Variants in P2RY14 observed in about 807,000 individuals in gnomAD.
The protein encoded by P2RY14 is P2Y purinoceptor 14.
A neutral mutation model predicts 0.9 loss-of-function variants in P2RY14; 2 were observed. The ratio of observed to expected loss-of-function variants is 2.16; its 90% CI spans 0.88 to 6.79. The LOEUF (loss-of-function observed/expected upper bound fraction) is 6.79, where lower values mean the gene tolerates loss of function less well. Ranked by LOEUF, P2RY14 falls within the 30% of genes most tolerant of loss-of-function variation. The pLI is 0.05. For synonymous variants in P2RY14, 158 were observed against 147.2 expected (o/e 1.07, Z -0.53); for missense variants, 378 against 400.1 (o/e 0.94, Z 0.47).
intron 2 of P2RY14, among the ~76,000 whole-genome samples, chr3:151,215,241 A>G (rs573023589): frequency 6.6e-6 from 1 of 152,328 alleles, no homozygotes; most frequent in Admixed American, 6.5e-5. Flanking sequence ...CTACATCTGT[A>G]CTATTCAGTA....
At chr3:151,269,032 G>A (rs190815293) in intron 1 of P2RY14, among the ~76,000 whole-genome samples, 10 of 152,282 alleles carry the variant, frequency 6.6e-5, no homozygotes, top group East Asian at 5.8e-4. Flanking sequence ...CTCTGAGACC[G>A]GAGGAGACAT....
intron 1 of P2RY14, among the ~76,000 whole-genome samples, chr3:151,259,570 A>C (rs1477060517): frequency 6.6e-6 from 1 of 152,236 alleles, no homozygotes; most frequent in Non-Finnish European, 1.5e-5. Context: ...TAATCAGAAT[A>C]AACTTTTCAA....
At position 151,213,492 on chromosome 3, in the gene P2RY14, A is replaced by G. The variant is rs773831838; in HGVS notation, c.825T>C (p.Tyr275=). The change falls in exon 3 of 3, where the codon TAT becomes TAC. Residue 275 remains tyrosine (Y), a synonymous_variant. Transcript: ENST00000309170. ...ATAGTAGCAGAGTGAATTCTTTCATATACCGCAAGATTTCTTTTGACTGGC... is the reference window on the plus strand; with the variant it reads ...ATAGTAGCAGAGTGAATTCTTTCATGTACCGCAAGATTTCTTTTGACTGGC... ...YSCQSKEILR[Y]MKEFTLLLSA... 10 of 1,614,032 alleles carry G rather than the reference A, an allele frequency of 6.2e-6. No individual in the cohort carries two copies. The South Asian group carries it at 1.1e-4, about 18-fold the overall frequency.
At chr3:151,235,564 C>A (rs983320866) in intron 1 of P2RY14, among the ~76,000 whole-genome samples, 1 of 151,982 alleles carries the variant, frequency 6.6e-6, no homozygotes, top group Non-Finnish European at 1.5e-5. Context: ...ATTAGCTGGG[C>A]GTGCCTGTAA....
intron 1 of P2RY14, among the ~76,000 whole-genome samples, chr3:151,256,612 A>C (rs1737856693): frequency 7.3e-6 from 1 of 136,596 alleles, no homozygotes. Flanking sequence ...GCCAGAAATC[A>C]CAACAGACTG....
chr3:151,265,601 A>G (rs1739676614), intron 1 of P2RY14, among the ~76,000 whole-genome samples: 2 of 152,210 alleles, frequency 1.3e-5, no homozygotes, highest in Non-Finnish European at 1.5e-5. Flanking sequence ...AATAGGCAGT[A>G]TACAGCAGGC....
intron 1 of P2RY14, among the ~76,000 whole-genome samples, chr3:151,225,202 AC>A (rs1236902769): frequency 2.6e-5 from 4 of 152,108 alleles, no homozygotes; most frequent in African/African-American, 7.2e-5. Context: ...CCTCGACTTC[AC>A]AGAAGTTGCT....
chr3:151,267,948 A>G (rs561682488), intron 1 of P2RY14, among the ~76,000 whole-genome samples: 2 of 152,300 alleles, frequency 1.3e-5, no homozygotes, highest in Non-Finnish European at 2.9e-5. Context: ...GAAATGCGCT[A>G]TTATCCTAAT....
chr3:151,221,726 C>T (rs956975896), intron 1 of P2RY14, among the ~76,000 whole-genome samples: 1 of 152,204 alleles, frequency 6.6e-6, no homozygotes, highest in Admixed American at 6.5e-5. Context: ...CCTGGATGTC[C>T]AGGCAGAAGT....
chr3:151,249,133 T>G (rs1192926139), intron 1 of P2RY14: 1 of 152,106 alleles, frequency 6.6e-6, no homozygotes, highest in East Asian at 1.9e-4. Flanking sequence ...TGGACCTGAT[T>G]TGGATTTGCT....
rs1727595650 is a variant in P2RY14, at chr3:151,213,684, C to G, written c.633G>C (p.Lys211Asn). 1.2e-6 allele frequency: 2 copies of G among 1,614,044 alleles called. No individual in the cohort carries two copies. The highest frequency in any genetic ancestry group is 1.3e-5 in the African/African-American group (1 of 74,902). ...ACTTAAGGTGGGACTTAAAGATTTTCTTTGTGATAGCAGTATAGAAAACGA... is the reference window on the plus strand; with the variant it reads ...ACTTAAGGTGGGACTTAAAGATTTTGTTTGTGATAGCAGTATAGAAAACGA... ...LLIVFYTAIT[K>N]KIFKSHLKSS... Residue 211 changes from lysine (K) to asparagine (N), a missense_variant, in exon 3 of 3, where the codon AAG (lysine) becomes AAC (asparagine). Lys to Asn is a moderately conservative substitution (Grantham distance 94). Transcript: ENST00000309170.
intron 1 of P2RY14, among the ~76,000 whole-genome samples, chr3:151,238,771 CTTT>C (rs1416713211): frequency 6.6e-6 from 1 of 152,106 alleles, no homozygotes; most frequent in Non-Finnish European, 1.5e-5. Flanking sequence ...ATAAAAATAT[CTTT>C]TTAATATTTT....
intron 2 of P2RY14, among the ~76,000 whole-genome samples, chr3:151,215,804 C>T (rs1406799875): frequency 6.6e-6 from 1 of 152,174 alleles, no homozygotes; most frequent in Non-Finnish European, 1.5e-5. Flanking sequence ...CTTGTTCTGC[C>T]TCCTGCTTCC....
chr3:151,275,591 T>C (rs954454145), intron 1 of P2RY14, among the ~76,000 whole-genome samples: 1 of 152,182 alleles, frequency 6.6e-6, no homozygotes, highest in Non-Finnish European at 1.5e-5. Context: ...TGTGGTAAAC[T>C]TGGTGTTTCG....
intron 1 of P2RY14, among the ~76,000 whole-genome samples, chr3:151,227,683 G>A (rs948270463): frequency 6.6e-6 from 1 of 152,196 alleles, no homozygotes; most frequent in African/African-American, 2.4e-5. Flanking sequence ...TTCCCGAATG[G>A]CAAACTGGGG....
At chr3:151,234,964 A>G (rs193106317) in intron 1 of P2RY14, among the ~76,000 whole-genome samples, 92 of 152,282 alleles carry the variant, frequency 6.0e-4, no homozygotes, top group African/African-American at 2.2e-3. Flanking sequence ...TATCTCTTCT[A>G]TTTCTAACCA....
At chr3:151,249,388 T>C (rs1223445177) in intron 1 of P2RY14, among the ~76,000 whole-genome samples, 10 of 152,004 alleles carry the variant, frequency 6.6e-5, no homozygotes, top group African/African-American at 2.4e-4. Flanking sequence ...CCAAAAAATA[T>C]TTGAGAGTAA....
At chr3:151,242,413 G>C (rs1421633222) in intron 1 of P2RY14, among the ~76,000 whole-genome samples, 1 of 152,188 alleles carries the variant, frequency 6.6e-6, no homozygotes. Context: ...CTCCCAGCAC[G>C]CAGCTGGAGA....
chr3:151,266,198 C>T (rs1004189372), intron 1 of P2RY14, among the ~76,000 whole-genome samples: 6 of 152,164 alleles, frequency 3.9e-5, no homozygotes, highest in Admixed American at 2.6e-4. Flanking sequence ...GAGGAAGGCT[C>T]ATCTGATTTC....
Sources: gnomAD v4.1 joint callset for allele counts (sites outside exome capture counted in the v4.1 genomes callset) on GRCh38, gnomAD v4.1.1 for gene constraint, MANE v1.5 for transcripts, NCBI Gene and HGNC (gene_info 2026-07-23, HGNC 2026-07-21) for gene names.